Variants in SLC45A4 observed in about 807,000 individuals in gnomAD.
The protein encoded by SLC45A4 is polyamine-transporter SLC45A4.
A neutral mutation model predicts 63.7 loss-of-function variants in SLC45A4; 32 were observed. That is an observed-to-expected ratio of 0.50 (90% CI 0.38 to 0.67). The LOEUF (loss-of-function observed/expected upper bound fraction) is 0.67, where lower values mean the gene tolerates loss of function less well. Among genes scored for constraint, SLC45A4 ranks in the 30% least tolerant of loss-of-function variants. The probability of loss-of-function intolerance (pLI) is 0.00; values close to 1 mark genes in which losing one functional copy is unlikely to be tolerated. For synonymous variants in SLC45A4, 535 were observed against 510.0 expected, an observed-to-expected ratio of 1.05 and a Z score of -0.66; for missense variants, 1,027 against 1,157.7, an observed-to-expected ratio of 0.89 and a Z score of 1.64.
intron 1 of SLC45A4, among the ~76,000 whole-genome samples, chr8:141,304,013 C>G (rs556693065): frequency 1.3e-5 from 2 of 152,202 alleles, no homozygotes; most frequent in Admixed American, 1.3e-4. Context: ...ACTATTCCCC[C>G]CCGCGGCTCC....
chr8:141,272,371 G>A (rs1829574257), intron 1 of SLC45A4, among the ~76,000 whole-genome samples: 1 of 152,166 alleles, frequency 6.6e-6, no homozygotes, highest in African/African-American at 2.4e-5. Flanking sequence ...ACTGGGCTCT[G>A]TCTCCCAGTG....
chr8:141,235,142 G>C (rs1048399571), intron 2 of SLC45A4, among the ~76,000 whole-genome samples: 2 of 152,152 alleles, frequency 1.3e-5, no homozygotes, highest in Non-Finnish European at 2.9e-5. Flanking sequence ...CTTGTCCAAG[G>C]TTGTCACACT....
At chr8:141,304,513 C>T (rs927705039) in intron 1 of SLC45A4, among the ~76,000 whole-genome samples, 6 of 147,864 alleles carry the variant, frequency 4.1e-5, no homozygotes, top group Admixed American at 1.4e-4. Context: ...GAACCAAGAT[C>T]GCACCACTGC....
At chr8:141,255,041 G>A (rs1828706083) in intron 1 of SLC45A4, among the ~76,000 whole-genome samples, 1 of 152,154 alleles carries the variant, frequency 6.6e-6, no homozygotes, top group Non-Finnish European at 1.5e-5. Flanking sequence ...GAGGTGAAGG[G>A]AAAAGTGGGG....
intron 1 of SLC45A4, among the ~76,000 whole-genome samples, chr8:141,282,036 G>A (rs760681707): frequency 6.6e-6 from 1 of 152,156 alleles, no homozygotes; most frequent in African/African-American, 2.4e-5. Context: ...GGGGCTCCCA[G>A]GATTGACCTC....
At chr8:141,265,398 G>A (rs961624845) in intron 1 of SLC45A4, among the ~76,000 whole-genome samples, 1 of 152,238 alleles carries the variant, frequency 6.6e-6, no homozygotes, top group African/African-American at 2.4e-5. Flanking sequence ...GTGCAGGGAG[G>A]GGCTGGGTGC....
chr8:141,240,914 C>T (rs1045361035), intron 2 of SLC45A4, among the ~76,000 whole-genome samples: 4 of 152,330 alleles, frequency 2.6e-5, no homozygotes, highest in African/African-American at 7.2e-5. Flanking sequence ...CCCTCCAGAC[C>T]GTCCTGTGAG....
At chr8:141,294,162 T>C (rs998270171) in intron 1 of SLC45A4, among the ~76,000 whole-genome samples, 9 of 151,884 alleles carry the variant, frequency 5.9e-5, no homozygotes, top group Admixed American at 2.6e-4. Context: ...CCAGGGTCTC[T>C]GTGTACTGTT....
At chr8:141,292,432 G>A (rs1589859396) in intron 1 of SLC45A4, among the ~76,000 whole-genome samples, 1 of 152,254 alleles carries the variant, frequency 6.6e-6, no homozygotes, top group Non-Finnish European at 1.5e-5. Context: ...CAAGGAGGCC[G>A]TGGAGCACAG....
rs1830961779 is a variant in SLC45A4 at position 141,308,138 on chromosome 8, G to A, written c.-443C>T. ...GGCCGCGGGGGCGGCGGGGCGGCCG[G>A]GCCGGGCCGGGCAGGGGCTACGGGG... is the stretch of plus-strand genomic sequence containing the variant. On this transcript the variant is annotated 5_prime_UTR_variant, in exon 1 of 9. Coordinates refer to ENST00000517878, the MANE Select transcript of SLC45A4 (RefSeq NM_001286646.2). 6.8e-6 allele frequency: 1 copy of A among 147,764 alleles called. No homozygotes were observed. The highest frequency in any genetic ancestry group is 2.0e-4 in the East Asian group (1 of 5,028). 9.2% of individuals were successfully genotyped at this position (147,764 alleles called of 1,614,324 possible).
intron 4 of SLC45A4, 113 bp downstream of exon 4, chr8:141,219,537 C>A (rs1218613614): frequency 1.5e-6 from 2 of 1,315,638 alleles, no homozygotes; most frequent in Non-Finnish European, 2.0e-6. Context: ...ACTGCCTCAA[C>A]CCTCCATGCA....
intron 1 of SLC45A4, among the ~76,000 whole-genome samples, chr8:141,291,926 G>A (rs936118289): frequency 2.0e-5 from 3 of 152,222 alleles, no homozygotes; most frequent in Admixed American, 6.5e-5. Flanking sequence ...CAGATAAAAC[G>A]TTCATCTCAT....
chr8:141,301,129 C>G (rs1271261806), intron 1 of SLC45A4, among the ~76,000 whole-genome samples: 1 of 152,152 alleles, frequency 6.6e-6, no homozygotes, highest in Non-Finnish European at 1.5e-5. Flanking sequence ...CCTGCCTGCC[C>G]CGCCTAGACA....
In SLC45A4 at chr8:141,208,966, C is replaced by G. The variant is rs1022762395; in HGVS notation, c.*2606G>C. ...AGACTCGACCAACCGACACACCCTG[C>G]CTGACACTCCACTCAGTGTGCAGAG... On this transcript the variant is annotated 3_prime_UTR_variant, in exon 9 of 9. Transcript: ENST00000517878. 2 of 152,662 alleles carry G rather than the reference C, an allele frequency of 1.3e-5. No homozygotes were observed. The highest frequency in any genetic ancestry group is 2.9e-5 in the Non-Finnish European group (2 of 68,362). The allele number at this position is 152,662 out of a possible 1,614,324, so 9.5% of individuals were successfully genotyped here.
intron 1 of SLC45A4, among the ~76,000 whole-genome samples, chr8:141,277,295 G>C (rs573672626): frequency 5.9e-5 from 9 of 152,294 alleles, no homozygotes; most frequent in African/African-American, 2.2e-4. Context: ...GACCATCATG[G>C]GCTACCAAAA....
intron 2 of SLC45A4, among the ~76,000 whole-genome samples, chr8:141,244,172 C>G (rs574644406): frequency 2.0e-5 from 3 of 152,290 alleles, no homozygotes; most frequent in East Asian, 3.9e-4. Flanking sequence ...GGTTCTGTCT[C>G]GGGCACAGTG....
At chr8:141,270,897 CT>C (rs897400598) in intron 1 of SLC45A4, among the ~76,000 whole-genome samples, 1 of 152,142 alleles carries the variant, frequency 6.6e-6, no homozygotes, top group African/African-American at 2.4e-5. Context: ...GTGCTTGTGT[CT>C]CCCCAGCCAC....
Position 141,219,086 on chromosome 8 carries a change from A to G in SLC45A4, c.611-57T>C, listed in dbSNP as rs1826413303. The G allele has an allele frequency of 2.6e-6, 4 of 1,558,234 alleles. No individual in the cohort carries two copies. In the East Asian group the frequency reaches 9.0e-5, roughly 35 times the overall value. On this transcript the variant is annotated intron_variant, in intron 4 of 8. Coordinates refer to ENST00000517878, the MANE Select transcript of SLC45A4 (RefSeq NM_001286646.2). Reference sequence around the variant, plus strand: ...GGTGGCACCAGGCCACAGGGGGGGAAGCTCTGGGAGGGCCTCTCCCTCTAA... The same window carrying G: ...GGTGGCACCAGGCCACAGGGGGGGAGGCTCTGGGAGGGCCTCTCCCTCTAA...
intron 3 of SLC45A4, among the ~76,000 whole-genome samples, chr8:141,220,429 G>A (rs1442458189): frequency 6.6e-6 from 1 of 152,196 alleles, no homozygotes; most frequent in African/African-American, 2.4e-5. Context: ...TCACCTACGA[G>A]TCCTCCTGCA....
Sources: gnomAD v4.1 joint callset for allele counts (sites outside exome capture counted in the v4.1 genomes callset) on GRCh38, gnomAD v4.1.1 for gene constraint, MANE v1.5 for transcripts, NCBI Gene and HGNC (gene_info 2026-07-23, HGNC 2026-07-21) for gene names.